The following AFF2 variants were observed in gnomAD, a reference collection of about 807,000 sequenced individuals.
AFF2 encodes the protein ALF transcription elongation factor 2, also known as AF4/FMR2 family member 2.
AFF2 carries 14 observed loss-of-function variants against 76.9 expected under a neutral mutation model. The observed-to-expected ratio is 0.18, with a 90% CI of 0.12 to 0.28. The LOEUF (loss-of-function observed/expected upper bound fraction) is 0.28, where lower values mean the gene tolerates loss of function less well. AFF2 is among the 10% of genes least tolerant of loss of function. The probability of loss-of-function intolerance (pLI) is 1.00; values close to 1 mark genes in which losing one functional copy is unlikely to be tolerated. For synonymous variants in AFF2, 398 were observed against 366.7 expected, an observed-to-expected ratio of 1.09 and a Z score of -0.98; for missense variants, 868 against 1,001.1, an observed-to-expected ratio of 0.87 and a Z score of 1.79.
rs186852426 is a variant in AFF2 at position 148,696,783 on chromosome X, C to A, written c.1041+34015C>A. Among the ~76,000 whole-genome samples, 37 of 112,042 alleles carry A rather than the reference C, an allele frequency of 3.3e-4. 1 individual carries two copies. The East Asian group carries it at 0.01, about 31-fold the overall frequency. On this transcript the variant is annotated intron_variant, in intron 3 of 20. Transcript: ENST00000370460. Reference sequence around the variant, plus strand: ...CAGTAGAAACTCCCTTAACTCATCACCCAATTCAAAATTTGCAAGATTAAC... The same window carrying A: ...CAGTAGAAACTCCCTTAACTCATCAACCAATTCAAAATTTGCAAGATTAAC...
intron 8 of AFF2, among the ~76,000 whole-genome samples, chrX:148,886,532 G>A (rs1480613780): frequency 8.9e-6 from 1 of 112,032 alleles, no homozygotes; most frequent in Non-Finnish European, 1.9e-5. Context: ...CACATTTTAA[G>A]CATTTACAGT....
At chrX:148,672,213 CTAAT>C (rs371026204) in intron 3 of AFF2, among the ~76,000 whole-genome samples, 3 of 112,262 alleles carry the variant, frequency 2.7e-5, no homozygotes, top group African/African-American at 9.7e-5. Flanking sequence ...AAAATAATCT[CTAAT>C]TAACCATCAT....
intron 1 of AFF2, 49 bp from the exon 2 acceptor site, chrX:148,651,950 C>G (rs782455801): frequency 1.8e-6 from 2 of 1,102,603 alleles, no homozygotes; most frequent in South Asian, 4.5e-5. Context: ...AAATGACTTG[C>G]ATGATTAATT....
chrX:148,514,632 C>G lies in AFF2; in HGVS notation c.47+13488C>G, dbSNP rs782135769. On this transcript the variant is annotated intron_variant, in intron 1 of 20. Transcript: ENST00000370460. ...TACTGCCTTCCCTGGGAACTTGGAG[C>G]TTAGCCGACTTTAACAGCCATAGAA... 8.9e-5 allele frequency among the ~76,000 whole-genome samples: 10 copies of G among 112,345 alleles called. No individual in the cohort carries two copies. The East Asian group carries it at 2.8e-3, about 31-fold the overall frequency.
At chrX:148,905,455 A>G (rs1298492214) in intron 9 of AFF2, among the ~76,000 whole-genome samples, 3 of 112,288 alleles carry the variant, frequency 2.7e-5, no homozygotes, top group African/African-American at 9.7e-5. Context: ...TTCCGTCTGA[A>G]TGCCCTAAAG....
intron 3 of AFF2, among the ~76,000 whole-genome samples, chrX:148,761,956 T>TATATAGATATAG (rs56137519): frequency 0.02 from 1,991 of 99,572 alleles, 23 homozygotes; most frequent in Middle Eastern, 0.062. Context: ...TGTATGTGTG[T>TATATAGATATAG]ATATAGATAT....
intron 1 of AFF2, among the ~76,000 whole-genome samples, chrX:148,590,042 T>C (rs2053507755): frequency 2.0e-5 from 2 of 102,093 alleles, no homozygotes; most frequent in Non-Finnish European, 4.0e-5. Flanking sequence ...CTCTTCATGT[T>C]AGAGCTCTGT....
intron 1 of AFF2, among the ~76,000 whole-genome samples, chrX:148,627,148 C>T (rs1220207491): frequency 8.9e-6 from 1 of 112,005 alleles, no homozygotes; most frequent in Admixed American, 9.5e-5. Flanking sequence ...GAATTTGAGG[C>T]TCCAGTGAGC....
intron 3 of AFF2, among the ~76,000 whole-genome samples, chrX:148,756,774 C>A (rs2055565079): frequency 8.9e-6 from 1 of 112,805 alleles, no homozygotes; most frequent in African/African-American, 3.2e-5. Flanking sequence ...GCTCATCTGG[C>A]AGCTTAAGCA....
At chrX:148,688,335 C>T (rs140212064) in intron 3 of AFF2, among the ~76,000 whole-genome samples, 47 of 111,664 alleles carry the variant, frequency 4.2e-4, no homozygotes, top group African/African-American at 1.3e-3. Flanking sequence ...TAACTTACTG[C>T]CTTCCAGCTA....
intron 3 of AFF2, among the ~76,000 whole-genome samples, chrX:148,805,122 A>G (rs1414106318): frequency 8.9e-6 from 1 of 112,072 alleles, no homozygotes; most frequent in Non-Finnish European, 1.9e-5. Flanking sequence ...TGTGTACCAT[A>G]AATCAATCAT....
At chrX:148,519,654 A>G (rs781959549) in intron 1 of AFF2, among the ~76,000 whole-genome samples, 1 of 112,546 alleles carries the variant, frequency 8.9e-6, no homozygotes, top group Non-Finnish European at 1.9e-5. Flanking sequence ...AAATAAGTTA[A>G]TAAGAATGTT....
Position 148,711,059 on chromosome X carries a change from A to G in AFF2, c.1041+48291A>G, listed in dbSNP as rs782300925. On this transcript the variant is annotated intron_variant, in intron 3 of 20. Transcript: ENST00000370460. The stretch of plus-strand genomic sequence containing the variant: ...GTTTAAATGTGCCAACCATAGTCAA[A>G]TATTATCATTAAAATGCTTAATTTG... 1.1e-4 allele frequency among the ~76,000 whole-genome samples: 12 copies of G among 112,233 alleles called. No individual in the cohort carries two copies. In the East Asian group the frequency reaches 3.1e-3, roughly 29 times the overall value.
chrX:148,828,645 T>C (rs1382454263), intron 4 of AFF2, among the ~76,000 whole-genome samples: 1 of 112,261 alleles, frequency 8.9e-6, no homozygotes, highest in African/African-American at 3.2e-5. Flanking sequence ...ACTAAAAAGG[T>C]CTGGTTGAAT....
At chrX:148,759,204 G>A (rs782473294) in intron 3 of AFF2, among the ~76,000 whole-genome samples, 6 of 112,085 alleles carry the variant, frequency 5.4e-5, no homozygotes, top group African/African-American at 1.9e-4. Flanking sequence ...CTTAAATCCC[G>A]GAAATGTCAC....
At chrX:148,805,724 G>A (rs1205405905) in intron 3 of AFF2, among the ~76,000 whole-genome samples, 1 of 112,791 alleles carries the variant, frequency 8.9e-6, no homozygotes, top group Non-Finnish European at 1.9e-5. Context: ...TAATTTGTGT[G>A]TGGTCTCTCT....
At position 148,580,755 on chromosome X, in the gene AFF2, A is replaced by ATG. The variant is rs1391885102; in HGVS notation, c.48-71236_48-71235dup. Reference sequence around the variant, plus strand: ...TGTGTGTGTGTGTGTGTATATATATATGTGTGTGTATTTTTAAAAAATAAG... The same window carrying ATG: ...TGTGTGTGTGTGTGTGTATATATATATGTGTGTGTGTATTTTTAAAAAATAAG... On this transcript the variant is annotated intron_variant, in intron 1 of 20. Coordinates refer to ENST00000370460, the MANE Select transcript of AFF2 (RefSeq NM_002025.4). 2.9e-4 allele frequency among the ~76,000 whole-genome samples: 32 copies of ATG among 108,881 alleles called. No homozygotes were observed. The South Asian group carries it at 5.9e-3, about 20-fold the overall frequency. The allele number at this position is 108,881 out of a possible 115,157, so 94.6% of individuals were successfully genotyped here.
chrX:148,952,303 A>G (rs1174915543), intron 9 of AFF2, among the ~76,000 whole-genome samples: 2 of 111,972 alleles, frequency 1.8e-5, no homozygotes, highest in Non-Finnish European at 3.8e-5. Context: ...ATGGGGCCAC[A>G]GGACCAGGTG....
At chrX:148,843,286 A>G in intron 6 of AFF2, 96 bp from the exon 7 acceptor site, 1 of 736,463 alleles carries the variant, frequency 1.4e-6, no homozygotes, top group Admixed American at 2.7e-5. Flanking sequence ...CAAGAAGGTA[A>G]CTCGGGGGAC....
Sources: allele counts gnomAD v4.1 joint callset (sites outside exome capture counted in the v4.1 genomes callset), GRCh38; gene constraint gnomAD v4.1.1; transcripts MANE v1.5; gene names NCBI Gene and HGNC (gene_info 2026-07-23, HGNC 2026-07-21).